Variants in AP1M1 observed in about 807,000 individuals in gnomAD.
AP1M1 encodes adaptor related protein complex 1 subunit mu 1, also known as AP-1 complex subunit mu-1.
A neutral mutation model predicts 57.1 loss-of-function variants in AP1M1; 18 were observed. The ratio of observed to expected loss-of-function variants is 0.32; its 90% confidence interval spans 0.22 to 0.47. The LOEUF (loss-of-function observed/expected upper bound fraction) is 0.47. Among genes scored for constraint, AP1M1 ranks in the 20% least tolerant of loss-of-function variants. The pLI, the probability that AP1M1 is intolerant of heterozygous loss-of-function variation, is 1.00. For missense variants in AP1M1, 362 were observed against 593.5 expected (o/e 0.61, Z 4.05); for synonymous variants, 241 against 237.9 (o/e 1.01, Z -0.12).
rs1222532248 is a variant in AP1M1, at chr19:16,243,731, C to G, written c.*9296C>G. 1 of 151,986 alleles carries G rather than the reference C, an allele frequency of 6.6e-6. No individual in the cohort carries two copies. Among genetic ancestry groups the G allele is most frequent in the Non-Finnish European group, 1.5e-5 (1 of 68,008 alleles). 9.4% of individuals were successfully genotyped at this position (151,986 alleles called of 1,614,324 possible). On this transcript the variant is annotated 3_prime_UTR_variant, in exon 12 of 12. Coordinates refer to ENST00000291439, the MANE Select transcript of AP1M1 (RefSeq NM_032493.4). The stretch of plus-strand genomic sequence containing the variant: ...CTGAAGCAGGTGAATCACTTGAGCT[C>G]AGGAGTTCGAGACCAGCCTGGCCAA...
Position 16,206,085 on chromosome 19 carries a change from A to G in AP1M1, c.200-256A>G, listed in dbSNP as rs367987164. ...GCCGCCGGGACAGGTGCCCTGTGCC[A>G]CCTGCCATCCCTGTGATTCTCCATC... On this transcript the variant is annotated intron_variant, in intron 2 of 11. Transcript: ENST00000291439. This position sits in a 1 kb window ranked among gnomAD's most constrained non-coding sequence, Gnocchi z 4.3. Among the ~76,000 whole-genome samples the G allele has an allele frequency of 2.6e-5, 4 of 152,078 alleles. No individual in the cohort carries two copies. Among genetic ancestry groups the G allele is most frequent in the African/African-American group, 9.7e-5 (4 of 41,404 alleles).
rs907676896 is a variant in AP1M1 at position 16,203,199 on chromosome 19, T to C, written c.43-260T>C. Reference sequence around the variant, plus strand: ...TCTGGGTGATTCAGTCCTGGACCTTTGCTGCAGAGTTCGCCTCTACCCTCA... The same window carrying C: ...TCTGGGTGATTCAGTCCTGGACCTTCGCTGCAGAGTTCGCCTCTACCCTCA... On this transcript the variant is annotated intron_variant, in intron 1 of 11. Transcript: ENST00000291439. The surrounding 1 kb of genome is among the most constrained non-coding windows in gnomAD (Gnocchi z 4.6). 14 of 512,914 alleles carry C rather than the reference T, an allele frequency of 2.7e-5. No homozygotes were observed. The highest frequency in any genetic ancestry group is 1.3e-4 in the Admixed American group (4 of 30,326). 31.8% of individuals were successfully genotyped at this position (512,914 alleles called of 1,614,324 possible).
Position 16,203,095 on chromosome 19 carries a change from G to A in AP1M1, c.43-364G>A, listed in dbSNP as rs2091455356. 2.4e-5 allele frequency: 6 copies of A among 253,840 alleles called. 1 individual carries two copies. The highest frequency in any genetic ancestry group is 2.1e-4 in the South Asian group (5 of 23,852). The allele number at this position is 253,840 out of a possible 1,614,324, so 15.7% of individuals were successfully genotyped here. ...AGTGGGCGCCCTGACACAGGCGGGA[G>A]AGCAAGGTGCGTTGGCCCGGCAAAG... On this transcript the variant is annotated intron_variant, in intron 1 of 11. Transcript: ENST00000291439. This position sits in a 1 kb window ranked among gnomAD's most constrained non-coding sequence, Gnocchi z 4.6.
intron 9 of AP1M1, among the ~76,000 whole-genome samples, chr19:16,231,843 T>C (rs1372104612): frequency 6.6e-6 from 1 of 152,252 alleles, no homozygotes; most frequent in Admixed American, 6.5e-5. Context: ...TTCAACTTTT[T>C]GTGGAAGTGC....
At chr19:16,223,165 A>G (rs946194350) in intron 5 of AP1M1, among the ~76,000 whole-genome samples, 5 of 152,172 alleles carry the variant, frequency 3.3e-5, no homozygotes, top group African/African-American at 1.2e-4. Context: ...ACAAGTTCCA[A>G]TCCCCAACCT....
intron 5 of AP1M1, among the ~76,000 whole-genome samples, chr19:16,216,559 G>A (rs2091520026): frequency 6.6e-6 from 1 of 152,248 alleles, no homozygotes; most frequent in Non-Finnish European, 1.5e-5. Flanking sequence ...ATTTTTGTGG[G>A]CTGATATTCC....
At chr19:16,211,151 A>G (rs1486602022) in intron 5 of AP1M1, among the ~76,000 whole-genome samples, 1 of 406 alleles carries the variant, frequency 2.5e-3, no homozygotes, top group African/African-American at 0.05. Context: ...CTGTAGTACA[A>G]GTGGCATGCT....
intron 5 of AP1M1, among the ~76,000 whole-genome samples, chr19:16,211,373 C>T (rs117534751): frequency 0.013 from 1,982 of 152,176 alleles, 16 homozygotes; most frequent in South Asian, 0.025. Flanking sequence ...GGATTACAGG[C>T]GTCGGCCACC....
At chr19:16,223,055 C>G (rs1412282536) in intron 5 of AP1M1, among the ~76,000 whole-genome samples, 1 of 152,096 alleles carries the variant, frequency 6.6e-6, no homozygotes, top group Non-Finnish European at 1.5e-5. Context: ...GCATCCTGGA[C>G]TTTTTGAGCA....
rs1568347342 is a variant in AP1M1, at chr19:16,203,426, G to A, written c.43-33G>A. ...GCCCCCAGATTGTAGAACTGAAAATGCAAGCATCTTTTCTCTTCCTTCCCC... is the reference window on the plus strand; with the variant it reads ...GCCCCCAGATTGTAGAACTGAAAATACAAGCATCTTTTCTCTTCCTTCCCC... On this transcript the variant is annotated intron_variant, in intron 1 of 11. Transcript: ENST00000291439. This position sits in a 1 kb window ranked among gnomAD's most constrained non-coding sequence, Gnocchi z 4.6. 4 of 1,613,532 alleles carry A rather than the reference G, an allele frequency of 2.5e-6. No homozygotes were observed. Among genetic ancestry groups the A allele is most frequent in the African/African-American group, 2.7e-5 (2 of 74,906 alleles).
chr19:16,211,255 G>A (rs1329558008), intron 5 of AP1M1, among the ~76,000 whole-genome samples: 4 of 151,826 alleles, frequency 2.6e-5, no homozygotes, highest in African/African-American at 4.8e-5. Context: ...CACCATGCCC[G>A]GCTAATTTTT....
At chr19:16,200,252 G>A (rs2091441463) in intron 1 of AP1M1, among the ~76,000 whole-genome samples, 1 of 152,188 alleles carries the variant, frequency 6.6e-6, no homozygotes. Context: ...TTTAGCCAGT[G>A]GAAGGGGGAG....
chr19:16,210,420 G>A (rs1325760342), intron 5 of AP1M1: 1 of 717,634 alleles, frequency 1.4e-6, no homozygotes, highest in Admixed American at 2.0e-5. Context: ...ACCTTTATAA[G>A]AAACTGCCAA....
intron 2 of AP1M1, among the ~76,000 whole-genome samples, chr19:16,205,680 A>G (rs1335064317): frequency 6.6e-6 from 1 of 152,156 alleles, no homozygotes; most frequent in Non-Finnish European, 1.5e-5. Context: ...CCCATTAGGG[A>G]AAAAGGAATA....
chr19:16,244,882 T>TTG lies in AP1M1; in HGVS notation c.*10448_*10449insGT, dbSNP rs1555726662. The TTG allele has an allele frequency of 0.043, 6,382 of 149,640 alleles. 380 individuals are homozygous for TTG. The highest frequency in any genetic ancestry group is 0.3 in the East Asian group (1,546 of 5,074). The allele number at this position is 149,640 out of a possible 1,614,324, so 9.3% of individuals were successfully genotyped here. ...TAAATAACATGGATAAAATTTGTTG[T>TTG]TTGTTGTTGTTGTTGTTGTTGTTGT... On this transcript the variant is annotated 3_prime_UTR_variant, in exon 12 of 12. Transcript: ENST00000291439.
chr19:16,198,549 C>T (rs887887431), intron 1 of AP1M1, among the ~76,000 whole-genome samples: 2 of 152,170 alleles, frequency 1.3e-5, no homozygotes, highest in African/African-American at 4.8e-5. Context: ...GGAATTTCTC[C>T]ACGTTCATTG....
At position 16,207,745 on chromosome 19, in the gene AP1M1, C is replaced by T. The variant is rs1423035326; in HGVS notation, c.268-274C>T. Among the ~76,000 whole-genome samples, 2 of 152,042 alleles carry T rather than the reference C, an allele frequency of 1.3e-5. No individual in the cohort carries two copies. The highest frequency in any genetic ancestry group is 4.8e-5 in the African/African-American group (2 of 41,382). On this transcript the variant is annotated intron_variant, in intron 3 of 11. Transcript: ENST00000291439. The surrounding 1 kb of genome is among the most constrained non-coding windows in gnomAD (Gnocchi z 4.2). ...TCGCTCAGGAGGGGCTGCCTGTCTG[C>T]GGGTGTCTGGGCAGGGAAGAGAATG...
Position 16,203,613 on chromosome 19 carries a change from A to G in AP1M1, c.197A>G (p.Tyr66Cys). Residue 66 changes from tyrosine (Y) to cysteine (C), a missense_variant and splice_region_variant, in exon 2 of 12, where the codon TAT (tyrosine) becomes TGT (cysteine). Physicochemically the swap from Tyr to Cys is radical, Grantham distance 194 (BLOSUM62 -2). Coordinates refer to ENST00000291439, the MANE Select transcript of AP1M1 (RefSeq NM_032493.4). This position sits in a 1 kb window ranked among gnomAD's most constrained non-coding sequence, Gnocchi z 4.6. ...RFMWIKHNNL[Y>C]LVATSKKNAC... ...ATGTGGATCAAACACAACAACCTGTATCGTATCCCTTTGCTGGGGGTGCTC... is the reference window on the plus strand; with the variant it reads ...ATGTGGATCAAACACAACAACCTGTGTCGTATCCCTTTGCTGGGGGTGCTC... The G allele has an allele frequency of 1.2e-6, 2 of 1,603,744 alleles. No individual in the cohort carries two copies. Among genetic ancestry groups the G allele is most frequent in the African/African-American group, 1.3e-5 (1 of 74,802 alleles).
chr19:16,204,413 G>A lies in AP1M1; in HGVS notation c.199+798G>A, dbSNP rs1395074685. On this transcript the variant is annotated intron_variant, in intron 2 of 11. Coordinates refer to ENST00000291439, the MANE Select transcript of AP1M1 (RefSeq NM_032493.4). ...GGGCCTGCTTTGCCACTCACAGCCC[G>A]TTTGAGCCCCAGCTCCAGCAGCCAT... Among the ~76,000 whole-genome samples the A allele has an allele frequency of 6.6e-5, 10 of 152,182 alleles. No homozygotes were observed. In the East Asian group the frequency reaches 7.7e-4, roughly 12 times the overall value.
Sources: gnomAD v4.1 joint callset for allele counts (sites outside exome capture counted in the v4.1 genomes callset) on GRCh38, gnomAD v4.1.1 for gene constraint, Gnocchi (gnomAD v3.1) non-coding constraint, MANE v1.5 for transcripts, NCBI Gene and HGNC (gene_info 2026-07-23, HGNC 2026-07-21) for gene names.